MYH15: variants seen among roughly 807,000 people sequenced by gnomAD.
MYH15 encodes the protein myosin-15.
MYH15 carries 227 observed loss-of-function variants against 240.5 expected under a neutral mutation model. The ratio of observed to expected loss-of-function variants is 0.94; its 90% confidence interval spans 0.85 to 1.05. The LOEUF (loss-of-function observed/expected upper bound fraction) is 1.05. Among genes scored for constraint, MYH15 ranks in the 50% least tolerant of loss-of-function variants. MYH15 has a pLI of 0.00. For missense variants in MYH15, 2,217 were observed against 2,247.5 expected, an observed-to-expected ratio of 0.99 and a Z score of 0.27; for synonymous variants, 785 against 796.7, an observed-to-expected ratio of 0.99 and a Z score of 0.25.
At chr3:108,429,231 T>A (rs2082755393) in intron 26 of MYH15, among the ~76,000 whole-genome samples, 1 of 152,250 alleles carries the variant, frequency 6.6e-6, no homozygotes, top group South Asian at 2.1e-4. Context: ...GTAAATTTTA[T>A]ATACAAAAAT....
intron 14 of MYH15, among the ~76,000 whole-genome samples, chr3:108,469,188 A>T (rs1429365355): frequency 1.3e-5 from 2 of 152,248 alleles, no homozygotes; most frequent in African/African-American, 4.8e-5. Flanking sequence ...TGCAAAGGAC[A>T]GGGAGAGGTC....
intron 16 of MYH15, among the ~76,000 whole-genome samples, chr3:108,462,509 G>A (rs560048280): frequency 1.3e-5 from 2 of 152,128 alleles, no homozygotes; most frequent in African/African-American, 4.8e-5. Context: ...AAGGCTAGGT[G>A]GAAAGACAGG....
the MYH15 span, among the ~76,000 whole-genome samples, chr3:108,548,797 G>C: frequency 6.6e-6 from 1 of 152,080 alleles, no homozygotes; most frequent in African/African-American, 2.4e-5. Context: ...AAAGGTAGAA[G>C]TAGAAATTCA....
chr3:108,398,565 G>T (rs1189807959), intron 35 of MYH15, 72 bp downstream of exon 35: 2 of 1,491,992 alleles, frequency 1.3e-6, no homozygotes, highest in African/African-American at 2.8e-5. Context: ...ATGGTCCAAG[G>T]CCGCCCCAAG....
At chr3:108,537,994 T>C in the MYH15 span, among the ~76,000 whole-genome samples, 29 of 152,168 alleles carry the variant, frequency 1.9e-4, no homozygotes, top group Non-Finnish European at 3.5e-4. Context: ...AGTTGGTCAG[T>C]TTGTTCCTTG....
At chr3:108,518,695 C>T (rs979029099) in intron 1 of MYH15, among the ~76,000 whole-genome samples, 4 of 152,174 alleles carry the variant, frequency 2.6e-5, no homozygotes, top group Admixed American at 1.3e-4. Flanking sequence ...GGTGTTCACA[C>T]GTCATGTGAC....
intron 11 of MYH15, among the ~76,000 whole-genome samples, chr3:108,479,537 T>C (rs1161612824): frequency 6.6e-6 from 1 of 152,162 alleles, no homozygotes; most frequent in Non-Finnish European, 1.5e-5. Flanking sequence ...CCCTGGCAAG[T>C]TGTAAAAACA....
chr3:108,452,934 T>C (rs1438858525), intron 21 of MYH15, among the ~76,000 whole-genome samples: 2 of 152,162 alleles, frequency 1.3e-5, no homozygotes, highest in Non-Finnish European at 2.9e-5. Context: ...CTGGGCAACA[T>C]AGGGAGACCC....
intron 1 of MYH15, 88 bp downstream of exon 1, chr3:108,510,355 T>A: frequency 1.3e-6 from 2 of 1,508,308 alleles, no homozygotes; most frequent in East Asian, 2.3e-5. Flanking sequence ...GCTCTAGAAC[T>A]GATGGCTCTT....
chr3:108,430,677 T>C (rs1201992281), intron 26 of MYH15, among the ~76,000 whole-genome samples, 155 bp downstream of exon 26: 3 of 152,220 alleles, frequency 2.0e-5, no homozygotes, highest in Non-Finnish European at 4.4e-5. Flanking sequence ...ATCTGTGGAA[T>C]GCCACAGTTT....
intron 25 of MYH15, among the ~76,000 whole-genome samples, chr3:108,435,837 T>TATATACATATATGTATATGTATACAC (rs2082829397): frequency 1.4e-5 from 2 of 147,262 alleles, no homozygotes; most frequent in East Asian, 4.0e-4. Context: ...TGTATATGTA[T>TATATACATATATGTATATGTATACAC]ACACACACAC....
chr3:108,531,919 G>A (rs1452325440), upstream of MYH15, among the ~76,000 whole-genome samples: 2 of 152,056 alleles, frequency 1.3e-5, no homozygotes, highest in African/African-American at 4.8e-5. Flanking sequence ...ATTATCCCAA[G>A]GGCACAATAT....
intron 11 of MYH15, among the ~76,000 whole-genome samples, chr3:108,481,240 A>G (rs2083264301): frequency 6.6e-6 from 1 of 152,266 alleles, no homozygotes; most frequent in South Asian, 2.1e-4. Context: ...TGCATATTCA[A>G]CTAGAAAATG....
upstream of MYH15, among the ~76,000 whole-genome samples, chr3:108,529,575 T>A (rs9288876): frequency 0.21 from 31,707 of 152,040 alleles, 3,748 homozygotes; most frequent in East Asian, 0.35. Context: ...TTTCAAACAA[T>A]CTCCAACATA....
intron 11 of MYH15, among the ~76,000 whole-genome samples, chr3:108,481,435 G>C (rs1313526532): frequency 6.6e-6 from 1 of 151,984 alleles, no homozygotes; most frequent in East Asian, 1.9e-4. Flanking sequence ...AGGGGTGGAG[G>C]CTAGGACATT....
chr3:108,392,343 C>T (rs1400923310), intron 36 of MYH15, among the ~76,000 whole-genome samples: 1 of 152,198 alleles, frequency 6.6e-6, no homozygotes, highest in Non-Finnish European at 1.5e-5. Flanking sequence ...AAAATCTTTT[C>T]ACATCTCACT....
At chr3:108,453,976 C>A in intron 21 of MYH15, 30 bp downstream of exon 21, 1 of 1,598,782 alleles carries the variant, frequency 6.3e-7, no homozygotes, top group South Asian at 1.1e-5. Flanking sequence ...ATTACCCTAG[C>A]AGTTGGGGAG....
chr3:108,409,323 T>C (rs2082570822), intron 31 of MYH15, among the ~76,000 whole-genome samples: 1 of 152,242 alleles, frequency 6.6e-6, no homozygotes, highest in Non-Finnish European at 1.5e-5. Flanking sequence ...TAGAATCACC[T>C]GGAGAGCTTT....
At chr3:108,484,038 G>A (rs1025172763) in intron 11 of MYH15, among the ~76,000 whole-genome samples, 1 of 152,146 alleles carries the variant, frequency 6.6e-6, no homozygotes, top group South Asian at 2.1e-4. Flanking sequence ...TGTTCTTCAT[G>A]CCACTGAACT....
Sources: gnomAD v4.1 joint callset for allele counts (sites outside exome capture counted in the v4.1 genomes callset) on GRCh38, gnomAD v4.1.1 for gene constraint, MANE v1.5 for transcripts, NCBI Gene and HGNC (gene_info 2026-07-23, HGNC 2026-07-21) for gene names.